The following CARMIL1 variants were observed in gnomAD, a reference collection of about 807,000 sequenced individuals.
CARMIL1 encodes the protein capping protein regulator and myosin 1 linker 1.
CARMIL1 carries 90 observed loss-of-function variants against 177.1 expected under a neutral mutation model. The ratio of observed to expected loss-of-function variants is 0.51; its 90% CI spans 0.43 to 0.61. The LOEUF is 0.61. CARMIL1 is among the 20% of genes least tolerant of loss of function. CARMIL1 has a pLI of 0.00. For missense variants in CARMIL1, 1,380 were observed against 1,667.0 expected (o/e 0.83, Z 3.00); for synonymous variants, 577 against 606.2 (o/e 0.95, Z 0.71).
chr6:25,388,760 C>A (rs1454152658), intron 2 of CARMIL1, among the ~76,000 whole-genome samples: 3 of 152,114 alleles, frequency 2.0e-5, no homozygotes, highest in African/African-American at 4.8e-5. Flanking sequence ...GCCTGCAACT[C>A]CTGGGCTCAA....
At chr6:25,531,890 C>T (rs2151108373) in intron 24 of CARMIL1, among the ~76,000 whole-genome samples, 1 of 152,066 alleles carries the variant, frequency 6.6e-6, no homozygotes, top group East Asian at 1.9e-4. Context: ...TCTGCTTCAG[C>T]TTCCCGAGTA....
intron 2 of CARMIL1, among the ~76,000 whole-genome samples, chr6:25,332,580 G>C (rs573026809): frequency 6.6e-6 from 1 of 152,212 alleles, no homozygotes; most frequent in East Asian, 1.9e-4. Context: ...CTGAAACTGA[G>C]GGACATGTTG....
At chr6:25,503,039 CTA>C (rs1434715174) in intron 17 of CARMIL1, among the ~76,000 whole-genome samples, 4 of 152,298 alleles carry the variant, frequency 2.6e-5, no homozygotes, top group African/African-American at 9.6e-5. Context: ...AAATTGCAGA[CTA>C]TTGGCAGTTT....
At chr6:25,586,920 G>C (rs1813788701) in intron 31 of CARMIL1, among the ~76,000 whole-genome samples, 1 of 151,684 alleles carries the variant, frequency 6.6e-6, no homozygotes, top group Non-Finnish European at 1.5e-5. Context: ...TCCAGCCTCG[G>C]CTCGGCATCA....
At chr6:25,451,806 T>C (rs1798951527) in intron 8 of CARMIL1, among the ~76,000 whole-genome samples, 1 of 151,710 alleles carries the variant, frequency 6.6e-6, no homozygotes, top group African/African-American at 2.4e-5. Flanking sequence ...CTTAATAAAT[T>C]AGTAGCAGGT....
chr6:25,517,414 A>G lies in CARMIL1; in HGVS notation c.1873A>G (p.Lys625Glu). 6.2e-7 allele frequency: 1 copy of G among 1,612,502 alleles called. No individual in the cohort carries two copies. The highest frequency in any genetic ancestry group is 8.5e-7 in the Non-Finnish European group (1 of 1,179,044). Reference protein sequence around the residue: ...GFQDIAVAMEKNYTLRFMPIP... With the variant: ...GFQDIAVAMEENYTLRFMPIP... Reference sequence around the variant, plus strand: ...TCAGGATATAGCTGTTGCTATGGAAAAGTAAGTTTGAATTAGGATTTCTTT... The same window carrying G: ...TCAGGATATAGCTGTTGCTATGGAAGAGTAAGTTTGAATTAGGATTTCTTT... Residue 625 changes from lysine (K) to glutamate (E), a missense_variant and splice_region_variant, in exon 22 of 37, where the codon AAG becomes GAG. By Grantham distance (56) the Lys-to-Glu change is moderately conservative. Transcript: ENST00000329474.
At chr6:25,357,551 T>G (rs1432575022) in intron 2 of CARMIL1, among the ~76,000 whole-genome samples, 2 of 152,198 alleles carry the variant, frequency 1.3e-5, no homozygotes, top group African/African-American at 4.8e-5. Context: ...GCCACTGCAC[T>G]CTAGCCTAGG....
intron 2 of CARMIL1, among the ~76,000 whole-genome samples, chr6:25,286,555 T>A (rs1388520569): frequency 6.6e-6 from 1 of 152,240 alleles, no homozygotes; most frequent in Non-Finnish European, 1.5e-5. Flanking sequence ...TCAACAATGA[T>A]TGTGCTATTT....
chr6:25,554,425 TTTG>T lies in CARMIL1; in HGVS notation c.2592+336_2592+338del, dbSNP rs1490054702. On this transcript the variant is annotated intron_variant, in intron 28 of 36. Coordinates refer to ENST00000329474, the MANE Select transcript of CARMIL1 (RefSeq NM_017640.6). The surrounding 1 kb of genome is among the most constrained non-coding windows in gnomAD (Gnocchi z 4.6). ...AACATTTTAATTTATCTTTGCTCAT[TTTG>T]TTGTTGATATGATTATTTGATAATG... Among the ~76,000 whole-genome samples, 38 of 152,346 alleles carry T rather than the reference TTTG, an allele frequency of 2.5e-4. No homozygotes were observed. The highest frequency in any genetic ancestry group is 8.7e-4 in the African/African-American group (36 of 41,580).
intron 2 of CARMIL1, among the ~76,000 whole-genome samples, chr6:25,408,645 A>C (rs990987649): frequency 6.6e-6 from 1 of 152,124 alleles, no homozygotes; most frequent in African/African-American, 2.4e-5. Flanking sequence ...GTGGGACCAG[A>C]ATTCAAACTG....
At chr6:25,398,348 CA>C (rs1793603531) in intron 2 of CARMIL1, among the ~76,000 whole-genome samples, 1 of 152,154 alleles carries the variant, frequency 6.6e-6, no homozygotes, top group Non-Finnish European at 1.5e-5. Flanking sequence ...CATGAAAACT[CA>C]CAAATAGAGA....
intron 24 of CARMIL1, among the ~76,000 whole-genome samples, chr6:25,535,844 A>G (rs1443749834): frequency 6.6e-6 from 1 of 152,204 alleles, no homozygotes; most frequent in African/African-American, 2.4e-5. Context: ...CTTTCATGGT[A>G]AAGGATCTAA....
rs536266392 is a variant in CARMIL1 at position 25,412,598 on chromosome 6, G to C, written c.139-7516G>C. Among the ~76,000 whole-genome samples, 4 of 152,248 alleles carry C rather than the reference G, an allele frequency of 2.6e-5. No homozygotes were observed. In the South Asian group the frequency reaches 8.3e-4, roughly 32 times the overall value. On this transcript the variant is annotated intron_variant, in intron 2 of 36. Coordinates refer to ENST00000329474, the MANE Select transcript of CARMIL1 (RefSeq NM_017640.6). ...ATCTTAAAGAGAAAAGGAGGAAATT[G>C]AGGCACAGGAAAGGTTTAGTAATTT...
chr6:25,447,602 C>G (rs1235736951), intron 5 of CARMIL1, among the ~76,000 whole-genome samples: 1 of 152,074 alleles, frequency 6.6e-6, no homozygotes, highest in African/African-American at 2.4e-5. Flanking sequence ...GTGACTGACA[C>G]CCTGACACCC....
At chr6:25,543,941 C>T (rs1302482651) in intron 26 of CARMIL1, among the ~76,000 whole-genome samples, 1 of 151,988 alleles carries the variant, frequency 6.6e-6, no homozygotes, top group Non-Finnish European at 1.5e-5. Context: ...TCCTAAGTAC[C>T]ATTAGTTATT....
intron 2 of CARMIL1, among the ~76,000 whole-genome samples, chr6:25,336,548 T>C (rs1378118519): frequency 1.3e-5 from 2 of 152,186 alleles, no homozygotes; most frequent in Non-Finnish European, 2.9e-5. Context: ...CTCTAATTAA[T>C]AGTATTTAAG....
chr6:25,478,858 C>G (rs1801831511), intron 11 of CARMIL1, among the ~76,000 whole-genome samples: 2 of 151,704 alleles, frequency 1.3e-5, no homozygotes, highest in South Asian at 4.1e-4. Flanking sequence ...AGTATTGACT[C>G]AATTTTTTCC....
intron 15 of CARMIL1, among the ~76,000 whole-genome samples, chr6:25,494,244 A>G (rs1249096738): frequency 6.6e-6 from 1 of 152,050 alleles, no homozygotes; most frequent in Admixed American, 6.6e-5. Context: ...CTTCCCTGAG[A>G]TTCCATGAGT....
At chr6:25,576,983 G>C in intron 29 of CARMIL1, 1 of 985,082 alleles carries the variant, frequency 1.0e-6, no homozygotes, top group Non-Finnish European at 1.2e-6. Context: ...GAGACTCTCT[G>C]CTGTACAAGT....
Sources: gnomAD v4.1 joint callset for allele counts (sites outside exome capture counted in the v4.1 genomes callset) on GRCh38, gnomAD v4.1.1 for gene constraint, Gnocchi (gnomAD v3.1) non-coding constraint, MANE v1.5 for transcripts, NCBI Gene and HGNC (gene_info 2026-07-23, HGNC 2026-07-21) for gene names.